Variants in F10 observed in about 807,000 individuals in gnomAD.
The protein encoded by F10 is coagulation factor X.
A neutral mutation model predicts 37.1 loss-of-function variants in F10; 29 were observed. That is an observed-to-expected ratio of 0.78 (90% confidence interval 0.58 to 1.07). F10 has a LOEUF of 1.07. F10 is among the 50% of genes least tolerant of loss of function. The probability of loss-of-function intolerance (pLI) is 0.00; values close to 1 mark genes in which losing one functional copy is unlikely to be tolerated. For missense variants in F10, 539 were observed against 667.9 expected (o/e 0.81, Z 2.13); for synonymous variants, 262 against 268.6 (o/e 0.98, Z 0.24).
intron 1 of F10, 65 bp downstream of exon 1, chr13:113,122,990 G>T: frequency 6.4e-7 from 1 of 1,557,176 alleles, no homozygotes; most frequent in East Asian, 2.3e-5. Flanking sequence ...CGGCAGTTGG[G>T]GAAACCCTCT....
In F10 at chr13:113,146,636, A is replaced by G. The variant is rs985894621; in HGVS notation, c.748-743A>G. Among the ~76,000 whole-genome samples the G allele has an allele frequency of 1.3e-5, 2 of 152,234 alleles. No homozygotes were observed. Among genetic ancestry groups the G allele is most frequent in the Non-Finnish European group, 2.9e-5 (2 of 68,038 alleles). ...TTGACAAATTATGCAAAAAAGAGGC[A>G]AAAACATGACCCCTTTTCTAGCCAT... On this transcript the variant is annotated intron_variant, in intron 6 of 7. Transcript: ENST00000375559. This position sits in a 1 kb window ranked among gnomAD's most constrained non-coding sequence, Gnocchi z 4.5.
intron 1 of F10, among the ~76,000 whole-genome samples, chr13:113,125,648 G>C (rs1363188165): frequency 6.6e-6 from 1 of 152,232 alleles, no homozygotes. Context: ...CCCAGACCCG[G>C]CCTGCTCAGT....
rs556346071 is a variant in F10 at position 113,128,029 on chromosome 13, G to C, written c.71-1423G>C. ...TACTTCTCCAGAGAAGGGTGCATGG[G>C]TCTAGAGCAGGTGCCTCATGCTGTA... On this transcript the variant is annotated intron_variant, in intron 1 of 7. Transcript: ENST00000375559. The C allele has an allele frequency of 2.0e-5, 3 of 152,372 alleles. No individual in the cohort carries two copies. The South Asian group carries it at 6.2e-4, about 32-fold the overall frequency. The allele number at this position is 152,372 out of a possible 1,614,324, so 9.4% of individuals were successfully genotyped here.
chr13:113,137,993 T>C (rs570404037), intron 2 of F10, among the ~76,000 whole-genome samples: 3 of 152,332 alleles, frequency 2.0e-5, no homozygotes, highest in Admixed American at 2.0e-4. Flanking sequence ...ACAATAAGCC[T>C]GTGGACATTT....
At position 113,139,593 on chromosome 13, in the gene F10, G is replaced by T; in HGVS notation, c.370+123G>T. 1 of 807,102 alleles carries T rather than the reference G, an allele frequency of 1.2e-6. No homozygotes were observed. The highest frequency in any genetic ancestry group is 2.1e-6 in the Non-Finnish European group (1 of 477,300). The allele number at this position is 807,102 out of a possible 1,614,324, so 50.0% of individuals were successfully genotyped here. ...AGTCATTTCTGATTTACAAAGTCTG[G>T]GCTCTATTATACCTATTATACTGTG... On this transcript the variant is annotated intron_variant, in intron 4 of 7. Transcript: ENST00000375559. This position sits in a 1 kb window ranked among gnomAD's most constrained non-coding sequence, Gnocchi z 5.2.
chr13:113,125,863 A>T (rs1241799864), intron 1 of F10, among the ~76,000 whole-genome samples: 1 of 152,238 alleles, frequency 6.6e-6, no homozygotes, highest in African/African-American at 2.4e-5. Flanking sequence ...GCCTGTCAGC[A>T]TGTAATGTCA....
chr13:113,126,722 G>C (rs150303295), intron 1 of F10, among the ~76,000 whole-genome samples: 5 of 152,314 alleles, frequency 3.3e-5, no homozygotes, highest in African/African-American at 1.2e-4. Flanking sequence ...GGCAGAACGC[G>C]GTCTTCAGAC....
At position 113,141,918 on chromosome 13, in the gene F10, C is replaced by T. The variant is rs373226496; in HGVS notation, c.502+868C>T. On this transcript the variant is annotated intron_variant, in intron 5 of 7. Transcript: ENST00000375559. The surrounding 1 kb of genome is among the most constrained non-coding windows in gnomAD (Gnocchi z 5.4). ...TTCAGGTGCGGCTCAGCCCCCAGAC[C>T]GTGTTCTGCCCCCGGCTACCATGAC... Among the ~76,000 whole-genome samples, 10 of 152,342 alleles carry T rather than the reference C, an allele frequency of 6.6e-5. No homozygotes were observed. Among genetic ancestry groups the T allele is most frequent in the East Asian group, 3.9e-4 (2 of 5,188 alleles).
chr13:113,137,018 C>G (rs1004352227), intron 2 of F10, among the ~76,000 whole-genome samples: 1 of 151,722 alleles, frequency 6.6e-6, no homozygotes, highest in Non-Finnish European at 1.5e-5. Context: ...CTCCTGACCT[C>G]AAGTGATCCA....
At chr13:113,147,819 G>A (rs1337787574) in intron 7 of F10, among the ~76,000 whole-genome samples, 4 of 151,970 alleles carry the variant, frequency 2.6e-5, no homozygotes, top group Non-Finnish European at 4.4e-5. Flanking sequence ...GTCTTTTATT[G>A]GGAGCCTTCC....
Position 113,143,725 on chromosome 13 carries a change from C to G in F10, c.503-126C>G. 8.9e-6 allele frequency: 13 copies of G among 1,456,122 alleles called. No homozygotes were observed. The highest frequency in any genetic ancestry group is 6.0e-5 in the South Asian group (5 of 82,864). 90.2% of individuals were successfully genotyped at this position (1,456,122 alleles called of 1,614,324 possible). A position where few individuals can be genotyped will look rare whatever the true frequency, so the allele number is the denominator to read the frequency against. ...CGTGGGGCCTCGCCCTGCAAGCCCGCTGCCCCTCCGGGTGCCCCTGCGCTC... is the reference window on the plus strand; with the variant it reads ...CGTGGGGCCTCGCCCTGCAAGCCCGGTGCCCCTCCGGGTGCCCCTGCGCTC... On this transcript the variant is annotated intron_variant, in intron 5 of 7. Transcript: ENST00000375559. The surrounding 1 kb of genome is among the most constrained non-coding windows in gnomAD (Gnocchi z 6.8).
Position 113,139,754 on chromosome 13 carries a change from T to C in F10, c.370+284T>C, listed in dbSNP as rs2036510403. Among the ~76,000 whole-genome samples, 1 of 152,078 alleles carries C rather than the reference T, an allele frequency of 6.6e-6. No homozygotes were observed. Among genetic ancestry groups the C allele is most frequent in the Non-Finnish European group, 1.5e-5 (1 of 68,018 alleles). On this transcript the variant is annotated intron_variant, in intron 4 of 7. Transcript: ENST00000375559. This position sits in a 1 kb window ranked among gnomAD's most constrained non-coding sequence, Gnocchi z 5.2. ...AACATTGATGAAGCGTGTGATCCAT[T>C]CATGTGTAAACAGGAGTGGACTCTC...
chr13:113,132,718 A>G (rs1434262181), intron 2 of F10, among the ~76,000 whole-genome samples: 1 of 152,224 alleles, frequency 6.6e-6, no homozygotes, highest in African/African-American at 2.4e-5. Context: ...TGAGTTTATC[A>G]TTTTTTCCTC....
rs1483578312 is a variant in F10 at position 113,143,884 on chromosome 13, G to A, written c.536G>A (p.Arg179His). 3.1e-6 allele frequency: 5 copies of A among 1,613,214 alleles called. No homozygotes were observed. The highest frequency in any genetic ancestry group is 4.2e-6 in the Non-Finnish European group (5 of 1,180,000). Residue 179 changes from arginine to histidine, a missense_variant, in exon 6 of 8, where the codon CGC becomes CAC. Around this residue, in one of 2 missense-constraint regions of F10, gnomAD observed 409 missense variants for 547.9 expected, o/e 0.75. Transcript: ENST00000375559. This position sits in a 1 kb window ranked among gnomAD's most constrained non-coding sequence, Gnocchi z 6.8. ...CCCTGTGGGAAACAGACCCTGGAAC[G>A]CAGGAAGAGGTCAGTGGCCCAGGCC... ...PYPCGKQTLE[R>H]RKRSVAQATS... is the part of the protein sequence containing the mutation.
chr13:113,149,005 T>C lies in F10; in HGVS notation c.955T>C (p.Tyr319His), dbSNP rs746718739. The part of the protein sequence containing the change: ...IKHNRFTKET[Y>H]DFDIAVLRLK... ...GCACAACCGGTTCACAAAGGAGACC[T>C]ATGACTTCGACATCGCCGTGCTCCG... Residue 319 changes from tyrosine (Y) to histidine (H), a missense_variant, in exon 8 of 8, where the codon TAT (tyrosine) becomes CAT (histidine). Tyr to His is a moderately conservative substitution (Grantham distance 83, BLOSUM62 2). Coordinates refer to ENST00000375559, the MANE Select transcript of F10 (RefSeq NM_000504.4). The surrounding 1 kb of genome is among the most constrained non-coding windows in gnomAD (Gnocchi z 7.5). The C allele has an allele frequency of 1.9e-6, 3 of 1,613,382 alleles. No individual in the cohort carries two copies. The highest frequency in any genetic ancestry group is 2.7e-5 in the African/African-American group (2 of 74,858).
rs1380027269 is a variant in F10 at position 113,143,063 on chromosome 13, T to G, written c.503-788T>G. On this transcript the variant is annotated intron_variant, in intron 5 of 7. Transcript: ENST00000375559. The surrounding 1 kb of genome is among the most constrained non-coding windows in gnomAD (Gnocchi z 6.8). ...TGCGGCTGGCAGATTCACCGGAGCC[T>G]CCTCAGACTGCGCAGGAGCACAGCA... Among the ~76,000 whole-genome samples the G allele has an allele frequency of 6.6e-6, 1 of 151,950 alleles. No homozygotes were observed. Among genetic ancestry groups the G allele is most frequent in the Non-Finnish European group, 1.5e-5 (1 of 67,992 alleles).
chr13:113,126,390 C>A (rs1181742366), intron 1 of F10, among the ~76,000 whole-genome samples: 1 of 152,156 alleles, frequency 6.6e-6, no homozygotes, highest in Non-Finnish European at 1.5e-5. Flanking sequence ...GGAAAGGTGA[C>A]TTCTTACTGG....
intron 5 of F10, among the ~76,000 whole-genome samples, chr13:113,142,205 C>T (rs2036535033): frequency 1.3e-5 from 2 of 152,146 alleles, no homozygotes; most frequent in African/African-American, 4.8e-5. Flanking sequence ...TTGACATACA[C>T]ACGAATATTT....
intron 1 of F10, among the ~76,000 whole-genome samples, chr13:113,126,863 C>T (rs975389613): frequency 2.7e-4 from 41 of 152,174 alleles, no homozygotes; most frequent in Non-Finnish European, 5.9e-4. Context: ...GCATTCCCCA[C>T]CCCTCAGCTT....
Sources: allele counts gnomAD v4.1 joint callset (sites outside exome capture counted in the v4.1 genomes callset), GRCh38; gene constraint gnomAD v4.1.1; regional missense constraint gnomAD v4.1.1; non-coding constraint Gnocchi (gnomAD v3.1); transcripts MANE v1.5; gene names NCBI Gene and HGNC (gene_info 2026-07-23, HGNC 2026-07-21).